Variants in SPNS2 observed in about 807,000 individuals in gnomAD.
The protein encoded by SPNS2 is sphingosine-1-phosphate transporter SPNS2.
Under a neutral mutation model 57.6 loss-of-function variants are expected in SPNS2, and 37 were observed. The observed-to-expected ratio is 0.64, with a 90% confidence interval of 0.49 to 0.85. The LOEUF is 0.85. Ranked by LOEUF, SPNS2 falls within the 40% of genes least tolerant of loss-of-function variation. The pLI, the probability that SPNS2 is intolerant of heterozygous loss-of-function variation, is 0.00. For missense variants in SPNS2, 831 were observed against 779.1 expected (o/e 1.07, Z -0.79); for synonymous variants, 440 against 346.9 (o/e 1.27, Z -2.98).
chr17:4,508,939 C>T (rs1415183170), intron 1 of SPNS2, among the ~76,000 whole-genome samples: 2 of 152,120 alleles, frequency 1.3e-5, no homozygotes, highest in East Asian at 1.9e-4. Flanking sequence ...GTAGGAGATT[C>T]GTAAGAGCTT....
chr17:4,509,627 G>A (rs1597359687), intron 1 of SPNS2, among the ~76,000 whole-genome samples: 1 of 152,260 alleles, frequency 6.6e-6, no homozygotes, highest in African/African-American at 2.4e-5. Context: ...CTGACCCAGC[G>A]CAGCCTCCCT....
chr17:4,514,811 C>T (rs990944419), intron 2 of SPNS2, among the ~76,000 whole-genome samples: 1 of 152,206 alleles, frequency 6.6e-6, no homozygotes, highest in African/African-American at 2.4e-5. Flanking sequence ...AAATGGAGTT[C>T]CAGCCACATG....
intron 2 of SPNS2, among the ~76,000 whole-genome samples, chr17:4,513,567 A>C (rs1424306534): frequency 1.3e-5 from 2 of 152,216 alleles, no homozygotes; most frequent in African/African-American, 4.8e-5. Context: ...GAGTGCAGGC[A>C]GAGGTTGCAG....
intron 5 of SPNS2, among the ~76,000 whole-genome samples, chr17:4,531,453 C>T (rs1471250693): frequency 1.3e-5 from 2 of 152,182 alleles, no homozygotes; most frequent in Non-Finnish European, 2.9e-5. Flanking sequence ...TGCTTCCTGC[C>T]TCCAGCCCTG....
intron 9 of SPNS2, among the ~76,000 whole-genome samples, chr17:4,534,803 G>A (rs572031832): frequency 6.8e-6 from 1 of 146,974 alleles, no homozygotes; most frequent in African/African-American, 2.7e-5. Flanking sequence ...CACTGCACAG[G>A]CCCAGAGTGA....
At chr17:4,513,335 C>T in intron 2 of SPNS2, 23 bp downstream of exon 2, 1 of 1,612,728 alleles carries the variant, frequency 6.2e-7, no homozygotes, top group Non-Finnish European at 8.5e-7. Context: ...TCCCACCTTC[C>T]CCCCCACGCC....
rs192772506 is a variant in SPNS2, at chr17:4,525,713, C to G, written c.573+520C>G. 1.4e-3 allele frequency among the ~76,000 whole-genome samples: 215 copies of G among 152,352 alleles called. 1 individual carries two copies. Among genetic ancestry groups the G allele is most frequent in the African/African-American group, 5.0e-3 (207 of 41,558 alleles). On this transcript the variant is annotated intron_variant, in intron 3 of 12. Coordinates refer to ENST00000329078, the MANE Select transcript of SPNS2 (RefSeq NM_001124758.3). Reference sequence around the variant, plus strand: ...GGCTTGAATATCCCAACTTTGTTTCCTACTCAGCTTTGTGACCTGGAGGAA... The same window carrying G: ...GGCTTGAATATCCCAACTTTGTTTCGTACTCAGCTTTGTGACCTGGAGGAA...
At position 4,538,942 on chromosome 17, in the gene SPNS2, A is replaced by AT. The variant is rs1301996404; in HGVS notation, c.*1500dup. ...CTTCCGGAAGCCAAACTGCTCCTTT[A>AT]TTTTTTAGAGCTGCTGATTGTGAAT... On this transcript the variant is annotated 3_prime_UTR_variant, in exon 13 of 13. Transcript: ENST00000329078. The AT allele has an allele frequency of 1.3e-6, 1 of 784,100 alleles. No individual in the cohort carries two copies. Among genetic ancestry groups the AT allele is most frequent in the Non-Finnish European group, 2.4e-6 (1 of 421,056 alleles). 48.6% of individuals were successfully genotyped at this position (784,100 alleles called of 1,614,324 possible).
intron 1 of SPNS2, among the ~76,000 whole-genome samples, chr17:4,506,196 T>A (rs1423711839): frequency 6.6e-6 from 1 of 152,146 alleles, no homozygotes; most frequent in Non-Finnish European, 1.5e-5. Context: ...GCACGTCAGC[T>A]TCCATCCGAG....
intron 2 of SPNS2, among the ~76,000 whole-genome samples, chr17:4,523,389 A>T (rs1255590323): frequency 6.6e-6 from 1 of 151,462 alleles, no homozygotes; most frequent in Non-Finnish European, 1.5e-5. Flanking sequence ...AGTGAGCGGA[A>T]ATCGCACCAC....
intron 2 of SPNS2, among the ~76,000 whole-genome samples, chr17:4,524,371 T>C (rs1269142837): frequency 6.6e-6 from 1 of 152,122 alleles, no homozygotes; most frequent in Non-Finnish European, 1.5e-5. Flanking sequence ...AGATACGTAA[T>C]ACATGAGATA....
intron 2 of SPNS2, among the ~76,000 whole-genome samples, chr17:4,516,830 C>A (rs183739866): frequency 1.3e-5 from 2 of 152,190 alleles, no homozygotes; most frequent in Non-Finnish European, 2.9e-5. Flanking sequence ...ACTCAAAAAC[C>A]GGAGTGGGAG....
rs59684754 is a variant in SPNS2 at position 4,538,470 on chromosome 17, A to AG, written c.*1030dup. The stretch of plus-strand genomic sequence containing the variant: ...TGCTGGCATTCCACCAAGTGACCCC[A>AG]GGGGGGGGCCAGGCCTTCGATCACC... On this transcript the variant is annotated 3_prime_UTR_variant, in exon 13 of 13. Coordinates refer to ENST00000329078, the MANE Select transcript of SPNS2 (RefSeq NM_001124758.3). 62 of 201,718 alleles carry AG rather than the reference A, an allele frequency of 3.1e-4. No individual in the cohort carries two copies. The highest frequency in any genetic ancestry group is 4.2e-4 in the Non-Finnish European group (42 of 100,046). 12.5% of individuals were successfully genotyped at this position (201,718 alleles called of 1,614,324 possible).
rs575852271 is a variant in SPNS2, at chr17:4,533,917, G to A, written c.1344+64G>A. ...CCAGGCCTCTTGACCTCACAGGGGT[G>A]CCTGGGGAGGGCGGGTGAAGGGGCG... On this transcript the variant is annotated intron_variant, in intron 9 of 12. Coordinates refer to ENST00000329078, the MANE Select transcript of SPNS2 (RefSeq NM_001124758.3). The A allele has an allele frequency of 8.7e-5, 126 of 1,456,028 alleles. 1 individual carries two copies. The East Asian group carries it at 2.3e-3, about 26-fold the overall frequency. 90.2% of individuals were successfully genotyped at this position (1,456,028 alleles called of 1,614,324 possible). A position where few individuals can be genotyped will look rare whatever the true frequency, so the allele number is the denominator to read the frequency against.
At chr17:4,522,501 A>C (rs1597365276) in intron 2 of SPNS2, among the ~76,000 whole-genome samples, 1 of 151,732 alleles carries the variant, frequency 6.6e-6, no homozygotes, top group African/African-American at 2.4e-5. Flanking sequence ...AGGGGCAGTC[A>C]CTCCTCCAGC....
chr17:4,529,094 C>G (rs939952335), intron 3 of SPNS2, among the ~76,000 whole-genome samples: 54 of 152,022 alleles, frequency 3.6e-4, no homozygotes, highest in African/African-American at 1.3e-3. Flanking sequence ...CGCCAACACA[C>G]CCGGCTAATT....
intron 3 of SPNS2, among the ~76,000 whole-genome samples, chr17:4,529,147 G>C (rs1373496661): frequency 2.6e-5 from 4 of 151,682 alleles, no homozygotes; most frequent in Non-Finnish European, 5.9e-5. Flanking sequence ...TCTTGGCCAG[G>C]CTGGTCTTGA....
intron 1 of SPNS2, among the ~76,000 whole-genome samples, 174 bp from the exon 2 acceptor site, chr17:4,513,073 C>G (rs1003452481): frequency 7.2e-5 from 11 of 152,178 alleles, no homozygotes; most frequent in Admixed American, 6.5e-5. Flanking sequence ...AGGAGGTCCC[C>G]GGGGAGGCAG....
intron 2 of SPNS2, among the ~76,000 whole-genome samples, chr17:4,522,880 C>A (rs1400056210): frequency 1.3e-5 from 2 of 152,248 alleles, no homozygotes; most frequent in African/African-American, 4.8e-5. Flanking sequence ...GTGGAATCTT[C>A]TAAACCTCTT....
Sources: gnomAD v4.1 joint callset for allele counts (sites outside exome capture counted in the v4.1 genomes callset) on GRCh38, gnomAD v4.1.1 for gene constraint, MANE v1.5 for transcripts, NCBI Gene and HGNC (gene_info 2026-07-23, HGNC 2026-07-21) for gene names.